The following PDE6A variants were observed in gnomAD, a reference collection of about 807,000 sequenced individuals.
The protein encoded by PDE6A is rod cGMP-specific 3',5'-cyclic phosphodiesterase subunit alpha.
A neutral mutation model predicts 106.3 loss-of-function variants in PDE6A; 84 were observed. That is an observed-to-expected ratio of 0.79 (90% CI 0.66 to 0.95). The LOEUF (loss-of-function observed/expected upper bound fraction) is 0.95. Among genes scored for constraint, PDE6A ranks in the 40% least tolerant of loss-of-function variants. PDE6A has a pLI of 0.00. For synonymous variants in PDE6A, 394 were observed against 386.6 expected, an observed-to-expected ratio of 1.02 and a Z score of -0.23; for missense variants, 1,052 against 1,084.9, an observed-to-expected ratio of 0.97 and a Z score of 0.43.
At chr5:149,899,562 C>T in intron 8 of PDE6A, 38 bp from the exon 9 acceptor site, 1 of 1,607,846 alleles carries the variant, frequency 6.2e-7, no homozygotes, top group South Asian at 1.1e-5. Context: ...CCTCTTGTTT[C>T]AGGCCACAGA....
intron 17 of PDE6A, among the ~76,000 whole-genome samples, chr5:149,877,279 T>C (rs1204530005): frequency 6.6e-6 from 1 of 151,948 alleles, no homozygotes; most frequent in Non-Finnish European, 1.5e-5. Flanking sequence ...CTTGAACAAA[T>C]AGTCTGGGTC....
chr5:149,944,687 A>T lies in PDE6A; in HGVS notation c.-14T>A. 6.3e-7 allele frequency: 1 copy of T among 1,591,484 alleles called. No homozygotes were observed. ...CACCTCGCCCATGGCTGGGAATCCC[A>T]CTGGCTACTCTGTAGAAGGACTGGG... On this transcript the variant is annotated 5_prime_UTR_variant, in exon 1 of 22. Transcript: ENST00000255266.
intron 4 of PDE6A, among the ~76,000 whole-genome samples, chr5:149,928,231 A>ATATATATATTTT: frequency 3.0e-4 from 6 of 19,748 alleles, no homozygotes; most frequent in African/African-American, 1.9e-3. Flanking sequence ...ATATATATAT[A>ATATATATATTTT]TTTTTTTTTT....
At chr5:149,913,985 CT>C (rs1296252514) in intron 6 of PDE6A, among the ~76,000 whole-genome samples, 1 of 152,184 alleles carries the variant, frequency 6.6e-6, no homozygotes, top group East Asian at 1.9e-4. Context: ...TGAGAATAGG[CT>C]TTCTGTGGGG....
intron 1 of PDE6A, among the ~76,000 whole-genome samples, chr5:149,938,310 G>A (rs1301940266): frequency 6.6e-6 from 1 of 152,092 alleles, no homozygotes; most frequent in Non-Finnish European, 1.5e-5. Context: ...TAGCCTGCTA[G>A]GTCTCAGGTC....
At chr5:149,907,838 G>T (rs147823602) in intron 6 of PDE6A, among the ~76,000 whole-genome samples, 82 of 152,142 alleles carry the variant, frequency 5.4e-4, no homozygotes, top group Middle Eastern at 3.4e-3. Flanking sequence ...CTTGTTTGTT[G>T]TGAGAAAAAA....
intron 1 of PDE6A, among the ~76,000 whole-genome samples, chr5:149,943,865 C>G (rs1190789128): frequency 6.6e-6 from 1 of 152,080 alleles, no homozygotes; most frequent in African/African-American, 2.4e-5. Context: ...ATGATGGGAG[C>G]ATCGCCAGTA....
At position 149,863,137 on chromosome 5, in the gene PDE6A, G is replaced by A; in HGVS notation, c.2488C>T (p.Gln830Ter). ...MKVQEEKKQK[Q>*]QSAKSAAAGN... The stretch of plus-strand genomic sequence containing the variant: ...CACAAACCTGACTTGGCCGACTGCT[G>A]TTTCTGCTTCTTCTCCTCCTGCACC... The change falls in exon 21 of 22, where the codon CAG (glutamine) becomes TAG (stop). Residue 830 changes from glutamine (Q) to a stop codon, truncating the protein, a stop_gained. Transcript: ENST00000255266. LOFTEE classifies it low-confidence loss of function (END_TRUNC). This position sits in a 1 kb window ranked among gnomAD's most constrained non-coding sequence, Gnocchi z 4.7. 6.2e-7 allele frequency: 1 copy of A among 1,614,186 alleles called. No individual in the cohort carries two copies. Among genetic ancestry groups the A allele is most frequent in the Non-Finnish European group, 8.5e-7 (1 of 1,180,038 alleles).
intron 9 of PDE6A, among the ~76,000 whole-genome samples, chr5:149,899,057 G>A (rs1243512738): frequency 6.6e-6 from 1 of 152,068 alleles, no homozygotes; most frequent in East Asian, 1.9e-4. Flanking sequence ...TGTAGAAATA[G>A]GATATTGCCC....
At chr5:149,939,507 A>G (rs1010525326) in intron 1 of PDE6A, among the ~76,000 whole-genome samples, 3 of 152,196 alleles carry the variant, frequency 2.0e-5, no homozygotes, top group African/African-American at 7.2e-5. Context: ...ATCACTTAGA[A>G]TAGATCCTTA....
chr5:149,864,400 G>A (rs2113498383), intron 20 of PDE6A, among the ~76,000 whole-genome samples: 1 of 152,140 alleles, frequency 6.6e-6, no homozygotes, highest in Non-Finnish European at 1.5e-5. Flanking sequence ...CACCAACCCA[G>A]CTAATTTGTT....
At chr5:149,896,312 A>G (rs1446091000) in intron 12 of PDE6A, 44 bp downstream of exon 12, 1 of 1,511,996 alleles carries the variant, frequency 6.6e-7, no homozygotes, top group Non-Finnish European at 9.2e-7. Context: ...CAAGCAAGAA[A>G]GAAAATTAAA....
At position 149,865,412 on chromosome 5, in the gene PDE6A, G is replaced by GAAA. The variant is rs5872150; in HGVS notation, c.2358+755_2358+757dup. Among the ~76,000 whole-genome samples, 224 of 137,272 alleles carry GAAA rather than the reference G, an allele frequency of 1.6e-3. 1 individual carries two copies. The highest frequency in any genetic ancestry group is 5.4e-3 in the African/African-American group (205 of 38,230). 90.1% of individuals were successfully genotyped at this position (137,272 alleles called of 152,430 possible). ...GTGACAGAATGAGACCTGTCTCAAA[G>GAAA]AAAAAAAAAAAACCAGCAAAAAACT... On this transcript the variant is annotated intron_variant, in intron 20 of 21. Coordinates refer to ENST00000255266, the MANE Select transcript of PDE6A (RefSeq NM_000440.3).
rs78775072 is a variant in PDE6A at position 149,884,543 on chromosome 5, G to A, written c.1963C>T (p.His655Tyr). ...NIFQNLNRRQ[H>Y]EHAIHMMDIA... ...TCCATCATGTGGATGGCATGCTCAT[G>A]CTGTCGACGATTGAGGTTTTGAAAG... The change falls in exon 16 of 22, where the codon CAT becomes TAT. Residue 655 changes from histidine to tyrosine, a missense_variant. Transcript: ENST00000255266. 0.025 allele frequency: 39,819 copies of A among 1,613,378 alleles called. 637 individuals are homozygous for A. The highest frequency in any genetic ancestry group is 0.031 in the Non-Finnish European group (36,096 of 1,179,394).
At chr5:149,935,814 G>A (rs1754164686) in intron 1 of PDE6A, among the ~76,000 whole-genome samples, 1 of 152,208 alleles carries the variant, frequency 6.6e-6, no homozygotes, top group Non-Finnish European at 1.5e-5. Context: ...ACGCCGTTCT[G>A]AGTGGAAATG....
At chr5:149,903,140 C>G (rs1753042761) in intron 8 of PDE6A, among the ~76,000 whole-genome samples, 1 of 110,210 alleles carries the variant, frequency 9.1e-6, no homozygotes, top group African/African-American at 3.6e-5. Flanking sequence ...CAGAGTGAGA[C>G]CCTCTCTAAA....
intron 3 of PDE6A, chr5:149,931,864 G>A: frequency 3.3e-6 from 2 of 599,128 alleles, no homozygotes; most frequent in South Asian, 4.2e-5. Context: ...TTAAGCAGGT[G>A]TTACCTCCAG....
Position 149,896,786 on chromosome 5 carries a change from C to G in PDE6A, c.1408-10G>C. 2 of 1,614,070 alleles carry G rather than the reference C, an allele frequency of 1.2e-6. No individual in the cohort carries two copies. The highest frequency in any genetic ancestry group is 1.7e-6 in the Non-Finnish European group (2 of 1,180,006). On this transcript the variant is annotated splice_polypyrimidine_tract_variant and intron_variant, in intron 10 of 21. Coordinates refer to ENST00000255266, the MANE Select transcript of PDE6A (RefSeq NM_000440.3). Reference sequence around the variant, plus strand: ...ACACCTCTCTGGTTTTCTGCCAGGACCCAAAATGGCAGGGGAAAAAAAATA... The same window carrying G: ...ACACCTCTCTGGTTTTCTGCCAGGAGCCAAAATGGCAGGGGAAAAAAAATA...
chr5:149,924,370 T>A (rs1017219137), intron 4 of PDE6A, among the ~76,000 whole-genome samples: 3 of 151,902 alleles, frequency 2.0e-5, no homozygotes, highest in Non-Finnish European at 2.9e-5. Flanking sequence ...CAAGGGGTTG[T>A]ATGGCCAGCA....
Sources: allele counts gnomAD v4.1 joint callset (sites outside exome capture counted in the v4.1 genomes callset), GRCh38; gene constraint gnomAD v4.1.1; non-coding constraint Gnocchi (gnomAD v3.1); transcripts MANE v1.5; gene names NCBI Gene and HGNC (gene_info 2026-07-23, HGNC 2026-07-21).